The following DYRK1A variants were observed in gnomAD, a reference collection of about 807,000 sequenced individuals.
DYRK1A encodes dual specificity tyrosine phosphorylation regulated kinase 1A.
In DYRK1A, 9 loss-of-function variants were observed where a neutral mutation model predicts 79.7. The observed-to-expected ratio is 0.11, with a 90% confidence interval of 0.07 to 0.20. The LOEUF is 0.20. Among genes scored for constraint, DYRK1A ranks in the 10% least tolerant of loss-of-function variants. The pLI, the probability that DYRK1A is intolerant of heterozygous loss-of-function variation, is 1.00. For missense variants in DYRK1A, 622 were observed against 956.0 expected (o/e 0.65, Z 4.61); for synonymous variants, 349 against 329.7 (o/e 1.06, Z -0.63).
intron 2 of DYRK1A, among the ~76,000 whole-genome samples, chr21:37,442,915 G>A (rs900433513): frequency 7.9e-5 from 12 of 152,052 alleles, no homozygotes; most frequent in African/African-American, 2.9e-4. Flanking sequence ...GCTCACTGGG[G>A]CCTCATACTC....
intron 3 of DYRK1A, among the ~76,000 whole-genome samples, chr21:37,476,913 A>T (rs1023121158): frequency 2.0e-5 from 3 of 148,886 alleles, no homozygotes; most frequent in African/African-American, 7.5e-5. Flanking sequence ...CCCTCTGGGT[A>T]ACAACTTTTT....
rs890735116 is a variant in DYRK1A, at chr21:37,389,849, G to T, written c.-77+22221G>T. On this transcript the variant is annotated intron_variant, in intron 1 of 11. Transcript: ENST00000647188. The stretch of plus-strand genomic sequence containing the variant: ...GTGTTCTGCAGGCAGAACTGTGGAA[G>T]AAGGGCTGGCATGCACAGTTCTGTC... 3.9e-5 allele frequency among the ~76,000 whole-genome samples: 6 copies of T among 152,084 alleles called. No individual in the cohort carries two copies. The East Asian group carries it at 9.6e-4, about 24-fold the overall frequency.
At chr21:37,472,055 C>A (rs2052244200) in intron 2 of DYRK1A, among the ~76,000 whole-genome samples, 1 of 152,062 alleles carries the variant, frequency 6.6e-6, no homozygotes, top group South Asian at 2.1e-4. Flanking sequence ...GTTATTTTTT[C>A]TTTGTGGTGA....
intron 1 of DYRK1A, among the ~76,000 whole-genome samples, chr21:37,401,619 A>AT (rs1401809599): frequency 6.6e-6 from 1 of 151,788 alleles, no homozygotes; most frequent in Admixed American, 6.6e-5. Flanking sequence ...TGTAGCTGGA[A>AT]TTACAGGCGT....
intron 9 of DYRK1A, among the ~76,000 whole-genome samples, chr21:37,496,983 ATTTAC>A (rs2148629274): frequency 6.6e-6 from 1 of 152,166 alleles, no homozygotes; most frequent in Admixed American, 6.5e-5. Flanking sequence ...ATGTTTTGTA[ATTTAC>A]TTTGGTCCTA....
chr21:37,478,042 C>A, intron 3 of DYRK1A, 166 bp from the exon 4 acceptor site: 2 of 856,940 alleles, frequency 2.3e-6, no homozygotes, highest in East Asian at 2.7e-5. Context: ...TTATTGGAAT[C>A]CACATGAAAG....
At chr21:37,469,762 C>T (rs1012839649) in intron 2 of DYRK1A, among the ~76,000 whole-genome samples, 1 of 152,182 alleles carries the variant, frequency 6.6e-6, no homozygotes, top group Non-Finnish European at 1.5e-5. Context: ...TTAGAAACCA[C>T]CCTCCTAATC....
chr21:37,422,555 T>G (rs1182997764), intron 2 of DYRK1A, among the ~76,000 whole-genome samples: 1 of 152,120 alleles, frequency 6.6e-6, no homozygotes, highest in African/African-American at 2.4e-5. Context: ...GGTAACTTAC[T>G]CTCATCTTTT....
rs527554509 is a variant in DYRK1A, at chr21:37,400,196, T to G, written c.-76-20103T>G. Among the ~76,000 whole-genome samples the G allele has an allele frequency of 2.6e-4, 40 of 152,328 alleles. No homozygotes were observed. In the South Asian group the frequency reaches 5.0e-3, roughly 19 times the overall value. On this transcript the variant is annotated intron_variant, in intron 1 of 11. Transcript: ENST00000647188. ...TCTCTCCTGCGATGGTTGTGTTGTC[T>G]TCTTTTTGTGTCAGATTGCCCCCTC...
At chr21:37,406,901 A>G (rs2050158370) in intron 1 of DYRK1A, among the ~76,000 whole-genome samples, 1 of 149,192 alleles carries the variant, frequency 6.7e-6, no homozygotes, top group Non-Finnish European at 1.5e-5. Flanking sequence ...TTATTTAGAA[A>G]AAATTCTTTT....
chr21:37,434,769 T>A (rs970976689), intron 2 of DYRK1A, among the ~76,000 whole-genome samples: 2 of 152,230 alleles, frequency 1.3e-5, no homozygotes, highest in African/African-American at 4.8e-5. Flanking sequence ...TTCCTCCACC[T>A]GGGAATACTT....
In DYRK1A at chr21:37,518,589, A is replaced by G. The variant is rs1247502669; in HGVS notation, c.*6058A>G. The G allele has an allele frequency of 1.3e-5, 2 of 151,128 alleles. No homozygotes were observed. Among genetic ancestry groups the G allele is most frequent in the Non-Finnish European group, 2.9e-5 (2 of 67,986 alleles). The allele number at this position is 151,128 out of a possible 1,614,324, so 9.4% of individuals were successfully genotyped here. A position where few individuals can be genotyped will look rare whatever the true frequency, so the allele number is the denominator to read the frequency against. ...TCTGGCAAGAAGAGGCGTGTGGCTA[A>G]TATGACGGAAGTCTGAATCCAAGGA... On this transcript the variant is annotated 3_prime_UTR_variant, in exon 12 of 12. Coordinates refer to ENST00000647188, the MANE Select transcript of DYRK1A (RefSeq NM_001347721.2).
At chr21:37,378,694 C>CGTGGTA (rs2049597859) in intron 1 of DYRK1A, among the ~76,000 whole-genome samples, 1 of 152,080 alleles carries the variant, frequency 6.6e-6, no homozygotes, top group African/African-American at 2.4e-5. Flanking sequence ...AGATATGAGT[C>CGTGGTA]GTGGTAGAAG....
Position 37,501,166 on chromosome 21 carries a change from GTTTTTT to G in DYRK1A, c.1213-4099_1213-4094del, listed in dbSNP as rs34646709. Among the ~76,000 whole-genome samples the G allele has an allele frequency of 2.7e-4, 25 of 93,978 alleles. 1 individual carries two copies. The highest frequency in any genetic ancestry group is 1.2e-3 in the African/African-American group (25 of 21,362). The allele number at this position is 93,978 out of a possible 152,430, so 61.7% of individuals were successfully genotyped here. On this transcript the variant is annotated intron_variant, in intron 9 of 11. Coordinates refer to ENST00000647188, the MANE Select transcript of DYRK1A (RefSeq NM_001347721.2). ...TTATATGTTTTTTTTGTTGTTGTTG[GTTTTTT>G]TTTTTTTTTTTTTTTTTAAGACGGA...
chr21:37,400,168 C>T (rs182899096), intron 1 of DYRK1A, among the ~76,000 whole-genome samples: 10 of 152,268 alleles, frequency 6.6e-5, no homozygotes, highest in African/African-American at 2.2e-4. Flanking sequence ...CACATTACCT[C>T]AATCTCTCCT....
intron 1 of DYRK1A, among the ~76,000 whole-genome samples, chr21:37,404,807 G>C (rs796487877): frequency 2.0e-5 from 3 of 152,324 alleles, no homozygotes; most frequent in African/African-American, 7.2e-5. Context: ...CAGGATATGT[G>C]AGGATTACTG....
intron 6 of DYRK1A, chr21:37,487,026 A>G (rs910004799): frequency 3.3e-5 from 5 of 153,132 alleles, no homozygotes; most frequent in African/African-American, 1.2e-4. Context: ...CTGCAACAAG[A>G]TCTCAGGCTC....
At chr21:37,455,000 G>A (rs1011570499) in intron 2 of DYRK1A, among the ~76,000 whole-genome samples, 17 of 146,124 alleles carry the variant, frequency 1.2e-4, no homozygotes, top group African/African-American at 3.8e-4. Flanking sequence ...TGTAGAGATG[G>A]TTATTCAGGG....
chr21:37,391,411 G>A (rs923219932), intron 1 of DYRK1A, among the ~76,000 whole-genome samples: 2 of 152,154 alleles, frequency 1.3e-5, no homozygotes, highest in Admixed American at 6.5e-5. Context: ...AAACTTCTTT[G>A]TCCATCACTG....
Sources: gnomAD v4.1 joint callset for allele counts (sites outside exome capture counted in the v4.1 genomes callset) on GRCh38, gnomAD v4.1.1 for gene constraint, MANE v1.5 for transcripts, NCBI Gene and HGNC (gene_info 2026-07-23, HGNC 2026-07-21) for gene names.